The following PIKFYVE variants were observed in gnomAD, a reference collection of about 807,000 sequenced individuals.
PIKFYVE encodes phosphoinositide kinase, FYVE-type zinc finger containing.
Under a neutral mutation model 257.9 loss-of-function variants are expected in PIKFYVE, and 122 were observed. The ratio of observed to expected loss-of-function variants is 0.47; its 90% CI spans 0.41 to 0.55. PIKFYVE has a LOEUF of 0.55. Ranked by LOEUF, PIKFYVE falls within the 20% of genes least tolerant of loss-of-function variation. PIKFYVE has a pLI of 0.00. For missense variants in PIKFYVE, 2,160 were observed against 2,536.6 expected (o/e 0.85, Z 3.19); for synonymous variants, 892 against 868.9 (o/e 1.03, Z -0.47).
At position 208,324,193 on chromosome 2, in the gene PIKFYVE, A is replaced by G; in HGVS notation, c.2242A>G (p.Thr748Ala). 6.2e-7 allele frequency: 1 copy of G among 1,613,926 alleles called. No homozygotes were observed. The highest frequency in any genetic ancestry group is 1.7e-5 in the Admixed American group (1 of 60,014). ...YVQRIVDVRP[T>A]LVLVEKTVSR... The stretch of plus-strand genomic sequence containing the variant: ...CCAGCGAATAGTTGATGTTCGACCC[A>G]CCTTGGTTCTTGTTGAGAAAACAGT... The change falls in exon 18 of 42, where the codon ACC (threonine) becomes GCC (alanine). Residue 748 changes from threonine (T) to alanine (A), a missense_variant. Coordinates refer to ENST00000264380, the MANE Select transcript of PIKFYVE (RefSeq NM_015040.4).
At chr2:208,341,328 T>C (rs1334485860) in intron 31 of PIKFYVE, among the ~76,000 whole-genome samples, 1 of 152,068 alleles carries the variant, frequency 6.6e-6, no homozygotes, top group African/African-American at 2.4e-5. Context: ...GTTTTTTTCT[T>C]TTTGTTTGTT....
chr2:208,316,144 C>T (rs1015157512), intron 15 of PIKFYVE, among the ~76,000 whole-genome samples: 2 of 149,880 alleles, frequency 1.3e-5, no homozygotes, highest in East Asian at 2.0e-4. Flanking sequence ...TTTGTCCTTG[C>T]GATAGTTTAC....
rs762862600 is a variant in PIKFYVE at position 208,350,908 on chromosome 2, C to CG, written c.5576dup (p.Gly1860ArgfsTer11). The CG allele has an allele frequency of 6.2e-7, 1 of 1,614,098 alleles. No individual in the cohort carries two copies. Among genetic ancestry groups the CG allele is most frequent in the Non-Finnish European group, 8.5e-7 (1 of 1,180,026 alleles). ...CTCCCACTCATCACCCTGGCAGGCCCGGGGAGGCAAATCAGGAGCTGCCTT... is the reference window on the plus strand; with the variant it reads ...CTCCCACTCATCACCCTGGCAGGCCCGGGGGAGGCAAATCAGGAGCTGCCTT... On this transcript the variant is annotated frameshift_variant, in exon 37 of 42. Transcript: ENST00000264380. LOFTEE classifies it high-confidence loss of function.
chr2:208,315,282 C>T lies in PIKFYVE; in HGVS notation c.1916C>T (p.Ser639Leu). 1 of 1,614,092 alleles carries T rather than the reference C, an allele frequency of 6.2e-7. No homozygotes were observed. Among genetic ancestry groups the T allele is most frequent in the Non-Finnish European group, 8.5e-7 (1 of 1,179,966 alleles). The stretch of plus-strand genomic sequence containing the variant: ...TCATCTTGGAGGGACATCATCGTGT[C>T]ATTGGTCTGCCAGGTTGTTCAGACA... ...LSSSWRDIIV[S>L]LVCQVVQTVR... Residue 639 changes from serine to leucine, a missense_variant, in exon 15 of 42, where the codon TCA (serine) becomes TTA (leucine). Around this residue, in one of 12 missense-constraint regions of PIKFYVE, gnomAD observed 346 missense variants for 365.6 expected, o/e 0.95. Coordinates refer to ENST00000264380, the MANE Select transcript of PIKFYVE (RefSeq NM_015040.4).
intron 15 of PIKFYVE, among the ~76,000 whole-genome samples, chr2:208,316,725 T>G (rs1695566984): frequency 6.6e-6 from 1 of 152,194 alleles, no homozygotes; most frequent in African/African-American, 2.4e-5. Context: ...CTACCTGACT[T>G]CAAACTATAC....
At chr2:208,339,707 C>A in intron 30 of PIKFYVE, 152 bp downstream of exon 30, 1 of 1,140,378 alleles carries the variant, frequency 8.8e-7, no homozygotes. Flanking sequence ...GTGGTAACTA[C>A]TTAAATTATA....
intron 7 of PIKFYVE, among the ~76,000 whole-genome samples, chr2:208,294,052 C>T (rs928678700): frequency 3.6e-4 from 55 of 152,188 alleles, no homozygotes; most frequent in Non-Finnish European, 6.6e-4. Flanking sequence ...ATTCCCATTA[C>T]ATTTATATTA....
intron 14 of PIKFYVE, 109 bp downstream of exon 14, chr2:208,314,532 T>G: frequency 7.9e-7 from 1 of 1,259,604 alleles, no homozygotes. Flanking sequence ...TCTTTTTCCT[T>G]AGAAAGTAAA....
At chr2:208,281,337 A>G (rs969706472) in intron 5 of PIKFYVE, among the ~76,000 whole-genome samples, 40 of 152,208 alleles carry the variant, frequency 2.6e-4, no homozygotes, top group Admixed American at 2.2e-3. Flanking sequence ...AGCTGCAACA[A>G]TAAATATAGA....
At chr2:208,269,388 C>G (rs1689113478) in intron 1 of PIKFYVE, 1 of 222,106 alleles carries the variant, frequency 4.5e-6, no homozygotes, top group Non-Finnish European at 9.5e-6. Flanking sequence ...TGATGCTGTC[C>G]TCATGTCCTG....
chr2:208,337,319 G>C (rs989773042), intron 28 of PIKFYVE, among the ~76,000 whole-genome samples: 2 of 151,938 alleles, frequency 1.3e-5, no homozygotes, highest in African/African-American at 2.4e-5. Flanking sequence ...TTTTTCTTAA[G>C]GTATTTGAAC....
intron 32 of PIKFYVE, 145 bp downstream of exon 32, chr2:208,342,794 CTTTTT>C (rs35986928): frequency 3.2e-4 from 123 of 379,932 alleles, no homozygotes; most frequent in Non-Finnish European, 3.5e-4. Context: ...ATAGCTTGTT[CTTTTT>C]TTTTTTTTTT....
rs771741195 is a variant in PIKFYVE at position 208,325,883 on chromosome 2, A to C, written c.3072A>C (p.Gly1024=). 1.5e-5 allele frequency: 25 copies of C among 1,614,028 alleles called. No homozygotes were observed. The Admixed American group carries it at 4.2e-4, about 27-fold the overall frequency. The change falls in exon 20 of 42, where the codon GGA becomes GGC. Residue 1024 remains glycine (G), a synonymous_variant. Coordinates refer to ENST00000264380, the MANE Select transcript of PIKFYVE (RefSeq NM_015040.4). The stretch of plus-strand genomic sequence containing the variant: ...GAGACCCTCTACAGGATGACACTGG[A>C]TTATATGTTACTGAGGAAGTCACCT... The part of the protein sequence containing the change: ...AFRDPLQDDT[G]LYVTEEVTSS...
At chr2:208,320,168 C>A (rs1696045260) in intron 16 of PIKFYVE, 84 bp from the exon 17 acceptor site, 9 of 1,499,902 alleles carry the variant, frequency 6.0e-6, no homozygotes, top group Non-Finnish European at 8.1e-6. Flanking sequence ...GAATTATGAA[C>A]AATATAGATT....
chr2:208,328,030 C>T, intron 20 of PIKFYVE, 150 bp from the exon 21 acceptor site: 2 of 1,447,004 alleles, frequency 1.4e-6, no homozygotes, highest in Non-Finnish European at 1.9e-6. Context: ...ACTGCCCTTC[C>T]TTATATTTAG....
intron 32 of PIKFYVE, among the ~76,000 whole-genome samples, chr2:208,343,761 A>G (rs1250679220): frequency 6.6e-6 from 1 of 152,080 alleles, no homozygotes. Flanking sequence ...TAGTTTATAC[A>G]GTTATCATAT....
intron 16 of PIKFYVE, 94 bp from the exon 17 acceptor site, chr2:208,320,158 G>A (rs1696043468): frequency 6.8e-7 from 1 of 1,460,816 alleles, no homozygotes; most frequent in Admixed American, 2.3e-5. Context: ...AAGTTAGTAG[G>A]AATTATGAAC....
chr2:208,308,286 A>G (rs893137620), intron 12 of PIKFYVE, among the ~76,000 whole-genome samples: 2 of 152,048 alleles, frequency 1.3e-5, no homozygotes, highest in Non-Finnish European at 2.9e-5. Flanking sequence ...CTGTGGTCCC[A>G]GCTATTTGGG....
At chr2:208,280,903 A>G (rs1690719595) in intron 5 of PIKFYVE, among the ~76,000 whole-genome samples, 1 of 152,136 alleles carries the variant, frequency 6.6e-6, no homozygotes. Context: ...TCTGATGTCT[A>G]TTATAGTAAC....
Sources: gnomAD v4.1 joint callset for allele counts (sites outside exome capture counted in the v4.1 genomes callset) on GRCh38, gnomAD v4.1.1 for gene constraint, gnomAD v4.1.1 regional missense constraint, MANE v1.5 for transcripts, NCBI Gene and HGNC (gene_info 2026-07-23, HGNC 2026-07-21) for gene names.